ARHGAP24: variants seen among roughly 807,000 people sequenced by gnomAD.
ARHGAP24 encodes the protein Rho GTPase activating protein 24.
In ARHGAP24, 50 loss-of-function variants were observed where a neutral mutation model predicts 76.4. The observed-to-expected ratio is 0.65, with a 90% CI of 0.52 to 0.83. The LOEUF is 0.83. Ranked by LOEUF, ARHGAP24 falls within the 40% of genes least tolerant of loss-of-function variation. The pLI is 0.00. For synonymous variants in ARHGAP24, 345 were observed against 323.3 expected (o/e 1.07, Z -0.72); for missense variants, 930 against 914.2 (o/e 1.02, Z -0.22).
chr4:85,618,761 C>T (rs953075693), intron 2 of ARHGAP24, among the ~76,000 whole-genome samples: 5 of 151,936 alleles, frequency 3.3e-5, no homozygotes, highest in Non-Finnish European at 7.4e-5. Context: ...TATTTGTTGG[C>T]CATTTTGTTT....
intron 1 of ARHGAP24, among the ~76,000 whole-genome samples, chr4:85,494,643 T>G (rs1263458896): frequency 6.7e-6 from 1 of 150,024 alleles, no homozygotes; most frequent in Non-Finnish European, 1.5e-5. Context: ...ATTGCACCAT[T>G]GCACTCCAGC....
intron 1 of ARHGAP24, among the ~76,000 whole-genome samples, chr4:85,532,900 T>C (rs1057114584): frequency 6.9e-6 from 1 of 145,786 alleles, no homozygotes; most frequent in African/African-American, 2.8e-5. Context: ...TATTCACTGA[T>C]CAATGCAGCT....
At chr4:85,678,831 A>G (rs1723093636) in intron 2 of ARHGAP24, among the ~76,000 whole-genome samples, 1 of 152,176 alleles carries the variant, frequency 6.6e-6, no homozygotes, top group African/African-American at 2.4e-5. Flanking sequence ...CATCTCCAAA[A>G]TGGACATTTT....
intron 3 of ARHGAP24, among the ~76,000 whole-genome samples, chr4:85,762,745 A>G (rs1011891165): frequency 6.6e-6 from 1 of 152,170 alleles, no homozygotes; most frequent in Non-Finnish European, 1.5e-5. Context: ...TGGCTGACCC[A>G]ACAGGAAATA....
At chr4:85,726,764 G>A (rs905030117) in intron 3 of ARHGAP24, among the ~76,000 whole-genome samples, 1 of 152,124 alleles carries the variant, frequency 6.6e-6, no homozygotes, top group Non-Finnish European at 1.5e-5. Context: ...CTGTTTGCAC[G>A]TATCGCTTTA....
rs1289482298 is a variant in ARHGAP24 at position 85,623,168 on chromosome 4, G to T, written c.180+52447G>T. Among the ~76,000 whole-genome samples, 4 of 152,248 alleles carry T rather than the reference G, an allele frequency of 2.6e-5. No homozygotes were observed. In the South Asian group the frequency reaches 8.3e-4, roughly 32 times the overall value. On this transcript the variant is annotated intron_variant, in intron 2 of 9. Transcript: ENST00000395184. Reference sequence around the variant, plus strand: ...TTGGTGTTTTAGACACGAAGTCCTTGCCCATGCCTATGTCCTGAATGGTAA... The same window carrying T: ...TTGGTGTTTTAGACACGAAGTCCTTTCCCATGCCTATGTCCTGAATGGTAA...
intron 2 of ARHGAP24, among the ~76,000 whole-genome samples, chr4:85,592,176 T>C (rs529593145): frequency 6.6e-6 from 1 of 152,158 alleles, no homozygotes; most frequent in Non-Finnish European, 1.5e-5. Context: ...TTTTTGTGGG[T>C]GCATAGTAGA....
intron 5 of ARHGAP24, among the ~76,000 whole-genome samples, chr4:85,967,642 A>G (rs1168727635): frequency 1.3e-5 from 2 of 152,142 alleles, no homozygotes; most frequent in African/African-American, 4.8e-5. Context: ...CTTTGGGCCT[A>G]TCTTGTGCTG....
At chr4:85,741,482 G>C (rs1030187031) in intron 3 of ARHGAP24, among the ~76,000 whole-genome samples, 3 of 151,166 alleles carry the variant, frequency 2.0e-5, no homozygotes, top group Non-Finnish European at 4.4e-5. Flanking sequence ...CCAGCTCTCT[G>C]AGTATGACTT....
chr4:85,925,716 G>T (rs1177418819), intron 4 of ARHGAP24, among the ~76,000 whole-genome samples: 1 of 151,972 alleles, frequency 6.6e-6, no homozygotes, highest in Non-Finnish European at 1.5e-5. Flanking sequence ...GTATATAAAG[G>T]GTTCAGTAAT....
At chr4:85,915,069 G>A (rs984455458) in intron 3 of ARHGAP24, among the ~76,000 whole-genome samples, 2 of 152,298 alleles carry the variant, frequency 1.3e-5, no homozygotes, top group East Asian at 3.9e-4. Context: ...TCAGAAGAAT[G>A]TAATTACATA....
At chr4:85,817,370 T>G (rs987202242) in intron 3 of ARHGAP24, among the ~76,000 whole-genome samples, 37 of 152,198 alleles carry the variant, frequency 2.4e-4, no homozygotes, top group African/African-American at 8.9e-4. Context: ...TTTCACATGT[T>G]TTCTTCTAGT....
chr4:85,625,644 T>C (rs933463647), intron 2 of ARHGAP24, among the ~76,000 whole-genome samples: 1 of 152,164 alleles, frequency 6.6e-6, no homozygotes, highest in African/African-American at 2.4e-5. Context: ...TTTTTTCTTG[T>C]TGATCTGTCT....
At chr4:85,977,801 C>T (rs1162931235) in intron 8 of ARHGAP24, 110 bp downstream of exon 8, 1 of 1,293,538 alleles carries the variant, frequency 7.7e-7, no homozygotes, top group Non-Finnish European at 1.1e-6. Flanking sequence ...GAATACATGG[C>T]AACTCCGTTT....
chr4:85,853,769 C>G (rs1446779911), intron 3 of ARHGAP24, among the ~76,000 whole-genome samples: 1 of 152,114 alleles, frequency 6.6e-6, no homozygotes, highest in Non-Finnish European at 1.5e-5. Flanking sequence ...TCCTGGCCAA[C>G]ATGGTGAAAC....
intron 3 of ARHGAP24, among the ~76,000 whole-genome samples, chr4:85,747,051 C>T (rs1236784178): frequency 6.6e-6 from 1 of 152,146 alleles, no homozygotes; most frequent in Non-Finnish European, 1.5e-5. Context: ...CCAGTCAGTA[C>T]AAATGCATAT....
chr4:85,943,932 A>G (rs373924999), intron 5 of ARHGAP24, among the ~76,000 whole-genome samples: 4 of 152,066 alleles, frequency 2.6e-5, no homozygotes, highest in African/African-American at 9.6e-5. Context: ...GTGTGCATAT[A>G]TCTTTATAGA....
intron 2 of ARHGAP24, among the ~76,000 whole-genome samples, chr4:85,663,205 T>C (rs532925432): frequency 0.025 from 3,714 of 150,318 alleles, 168 homozygotes; most frequent in African/African-American, 0.086. Context: ...GAGCAGTGGT[T>C]TGTAGTTCTC....
intron 3 of ARHGAP24, among the ~76,000 whole-genome samples, chr4:85,848,579 A>G (rs925276297): frequency 6.6e-6 from 1 of 152,096 alleles, no homozygotes; most frequent in African/African-American, 2.4e-5. Flanking sequence ...AATCCAGTCT[A>G]TCGTTGGACA....
Sources: allele counts gnomAD v4.1 joint callset (sites outside exome capture counted in the v4.1 genomes callset), GRCh38; gene constraint gnomAD v4.1.1; transcripts MANE v1.5; gene names NCBI Gene and HGNC (gene_info 2026-07-23, HGNC 2026-07-21).